The following CDC37L1 variants were observed in gnomAD, a reference collection of about 807,000 sequenced individuals.
CDC37L1 encodes cell division cycle 37 like 1, HSP90 cochaperone, also known as hsp90 co-chaperone Cdc37-like 1.
In CDC37L1, 32 loss-of-function variants were observed where a neutral mutation model predicts 45.9. The observed-to-expected ratio is 0.70, with a 90% CI of 0.53 to 0.94. CDC37L1 has a LOEUF of 0.94. CDC37L1 is among the 40% of genes least tolerant of loss of function. The probability of loss-of-function intolerance (pLI) is 0.00; values close to 1 mark genes in which losing one functional copy is unlikely to be tolerated. For missense variants in CDC37L1, 434 were observed against 405.7 expected, an observed-to-expected ratio of 1.07 and a Z score of -0.60; for synonymous variants, 150 against 133.0, an observed-to-expected ratio of 1.13 and a Z score of -0.88.
rs14731 is a variant in CDC37L1, at chr9:4,707,514, G to A, written c.*1402G>A. On this transcript the variant is annotated 3_prime_UTR_variant, in exon 7 of 7. Coordinates refer to ENST00000381854, the MANE Select transcript of CDC37L1 (RefSeq NM_017913.4). ...TTGGCCTCATTTGTATCTTGTTTTCGCTGAGGTGATCAGACACTTAGTACC... is the reference window on the plus strand; with the variant it reads ...TTGGCCTCATTTGTATCTTGTTTTCACTGAGGTGATCAGACACTTAGTACC... 0.43 allele frequency: 66,076 copies of A among 151,924 alleles called. 15,595 individuals carry two copies. Among genetic ancestry groups the A allele is most frequent in the African/African-American group, 0.6 (24,994 of 41,430 alleles). The allele number at this position is 151,924 out of a possible 1,614,324, so 9.4% of individuals were successfully genotyped here. A position where few individuals can be genotyped will look rare whatever the true frequency, so the allele number is the denominator to read the frequency against.
chr9:4,703,195 A>C (rs1841415801), intron 6 of CDC37L1: 2 of 1,342,018 alleles, frequency 1.5e-6, no homozygotes, highest in Admixed American at 6.0e-5. Flanking sequence ...TTTAGTTTTA[A>C]ACCTCATAAA....
At chr9:4,693,553 G>T (rs192610722) in intron 3 of CDC37L1, among the ~76,000 whole-genome samples, 17 of 152,144 alleles carry the variant, frequency 1.1e-4, no homozygotes, top group Admixed American at 9.2e-4. Context: ...ACCATTTTAG[G>T]AATCAGGTGG....
At chr9:4,692,024 G>A (rs142073871) in intron 3 of CDC37L1, among the ~76,000 whole-genome samples, 1 of 152,168 alleles carries the variant, frequency 6.6e-6, no homozygotes, top group Non-Finnish European at 1.5e-5. Flanking sequence ...AAAGTTAGCT[G>A]TGATTCAGCT....
chr9:4,695,550 G>T (rs1841339759), intron 3 of CDC37L1, among the ~76,000 whole-genome samples: 1 of 152,000 alleles, frequency 6.6e-6, no homozygotes, highest in Non-Finnish European at 1.5e-5. Context: ...CTGGAGCACA[G>T]TGGTTCCATC....
intron 5 of CDC37L1, among the ~76,000 whole-genome samples, chr9:4,701,153 A>G (rs1490957343): frequency 1.3e-5 from 2 of 152,204 alleles, no homozygotes; most frequent in Non-Finnish European, 2.9e-5. Context: ...ACTTGAACTT[A>G]AAGCCTGCAT....
At chr9:4,690,048 TATC>T (rs1841286645) in intron 3 of CDC37L1, among the ~76,000 whole-genome samples, 1 of 152,234 alleles carries the variant, frequency 6.6e-6, no homozygotes, top group African/African-American at 2.4e-5. Flanking sequence ...TGTAGGAAAA[TATC>T]CAAATATCAC....
chr9:4,698,660 T>C (rs1389422947), intron 5 of CDC37L1, among the ~76,000 whole-genome samples: 8 of 152,106 alleles, frequency 5.3e-5, no homozygotes, highest in Non-Finnish European at 8.8e-5. Context: ...GAAATTCTCC[T>C]AGGTGTATGC....
intron 3 of CDC37L1, among the ~76,000 whole-genome samples, chr9:4,695,873 C>G (rs1841343083): frequency 2.6e-5 from 4 of 152,188 alleles, no homozygotes; most frequent in Admixed American, 1.3e-4. Flanking sequence ...TCGCTGCAAC[C>G]TCCGCCTCCT....
chr9:4,682,155 CTT>C (rs1841200085), intron 1 of CDC37L1, among the ~76,000 whole-genome samples: 1 of 123,526 alleles, frequency 8.1e-6, no homozygotes, highest in Non-Finnish European at 1.6e-5. Flanking sequence ...ATATATTATC[CTT>C]TCTCTTTTTT....
intron 2 of CDC37L1, among the ~76,000 whole-genome samples, chr9:4,686,551 A>G (rs1841248997): frequency 6.6e-6 from 1 of 152,222 alleles, no homozygotes; most frequent in South Asian, 2.1e-4. Flanking sequence ...CTTGTTTTGT[A>G]AAGTTAATGT....
chr9:4,679,789 C>A lies in CDC37L1; in HGVS notation c.22C>A (p.Pro8Thr), dbSNP rs1351266945. The A allele has an allele frequency of 6.2e-7, 1 of 1,613,234 alleles. No homozygotes were observed. Among genetic ancestry groups the A allele is most frequent in the Non-Finnish European group, 8.5e-7 (1 of 1,179,658 alleles). MEQPWPP[P>T]GPWSLPRAEG... The stretch of plus-strand genomic sequence containing the variant: ...GGACATGGAACAACCGTGGCCGCCT[C>A]CGGGACCCTGGAGCCTCCCTCGGGC... Residue 8 changes from proline (P) to threonine (T), a missense_variant, in exon 1 of 7, where the codon CCG (proline) becomes ACG (threonine). Physicochemically the swap from Pro to Thr is conservative, Grantham distance 38. Coordinates refer to ENST00000381854, the MANE Select transcript of CDC37L1 (RefSeq NM_017913.4).
intron 1 of CDC37L1, among the ~76,000 whole-genome samples, chr9:4,681,157 A>G (rs202126296): frequency 1.3e-5 from 2 of 152,308 alleles, no homozygotes; most frequent in East Asian, 3.9e-4. Flanking sequence ...TGCCATTGTC[A>G]ATTTTGAAGG....
intron 1 of CDC37L1, among the ~76,000 whole-genome samples, chr9:4,683,669 G>T (rs1841219178): frequency 6.6e-6 from 1 of 152,124 alleles, no homozygotes; most frequent in African/African-American, 2.4e-5. Context: ...TCATTTTTTG[G>T]AAAGATCACT....
chr9:4,696,819 T>C (rs866829919), intron 3 of CDC37L1, among the ~76,000 whole-genome samples: 1 of 152,246 alleles, frequency 6.6e-6, no homozygotes, highest in Admixed American at 6.5e-5. Flanking sequence ...GACTTTTTAA[T>C]ATTGAACTGG....
At position 4,706,352 on chromosome 9, in the gene CDC37L1, G is replaced by T. The variant is rs1165617397; in HGVS notation, c.*240G>T. The T allele has an allele frequency of 1.3e-5, 4 of 304,640 alleles. No individual in the cohort carries two copies. Among genetic ancestry groups the T allele is most frequent in the African/African-American group, 4.3e-5 (2 of 46,682 alleles). 18.9% of individuals were successfully genotyped at this position (304,640 alleles called of 1,614,324 possible). A position where few individuals can be genotyped will look rare whatever the true frequency, so the allele number is the denominator to read the frequency against. Reference sequence around the variant, plus strand: ...AGGAAGTCAAACTGGACTTTTTGTGGCTACTAAATTTGCTTTTAATCTTAT... The same window carrying T: ...AGGAAGTCAAACTGGACTTTTTGTGTCTACTAAATTTGCTTTTAATCTTAT... On this transcript the variant is annotated 3_prime_UTR_variant, in exon 7 of 7. Transcript: ENST00000381854.
At chr9:4,697,659 G>A (rs1841360701) in intron 4 of CDC37L1, 98 bp from the exon 5 acceptor site, 1 of 632,562 alleles carries the variant, frequency 1.6e-6, no homozygotes, top group Admixed American at 3.0e-5. Context: ...ACTTAAGAGA[G>A]TAAAATCAAA....
chr9:4,679,670 G>C lies in CDC37L1; in HGVS notation c.-98G>C. On this transcript the variant is annotated 5_prime_UTR_variant, in exon 1 of 7. Coordinates refer to ENST00000381854, the MANE Select transcript of CDC37L1 (RefSeq NM_017913.4). ...GGGTAACGGCCCGGACCCCCGGCTGGGCTTCTGGCTCGGCGCAGCAGGTTC... is the reference window on the plus strand; with the variant it reads ...GGGTAACGGCCCGGACCCCCGGCTGCGCTTCTGGCTCGGCGCAGCAGGTTC... 1 of 1,166,094 alleles carries C rather than the reference G, an allele frequency of 8.6e-7. No homozygotes were observed. Among genetic ancestry groups the C allele is most frequent in the African/African-American group, 1.6e-5 (1 of 64,364 alleles). 72.2% of individuals were successfully genotyped at this position (1,166,094 alleles called of 1,614,324 possible). A position where few individuals can be genotyped will look rare whatever the true frequency, so the allele number is the denominator to read the frequency against.
intron 6 of CDC37L1, among the ~76,000 whole-genome samples, chr9:4,705,120 C>T (rs1016937991): frequency 2.0e-5 from 3 of 152,130 alleles, no homozygotes; most frequent in Non-Finnish European, 4.4e-5. Flanking sequence ...CTCCCAACCT[C>T]CTATTGGATG....
At chr9:4,701,841 G>GTT (rs71497545) in intron 5 of CDC37L1, 23 bp from the exon 6 acceptor site, 78 of 1,340,174 alleles carry the variant, frequency 5.8e-5, no homozygotes, top group Admixed American at 1.3e-4. Flanking sequence ...CACAGTCTTT[G>GTT]TTTTTTTTTT....
Sources: allele counts gnomAD v4.1 joint callset (sites outside exome capture counted in the v4.1 genomes callset), GRCh38; gene constraint gnomAD v4.1.1; transcripts MANE v1.5; gene names NCBI Gene and HGNC (gene_info 2026-07-23, HGNC 2026-07-21).